Variants in CUX2 observed in about 807,000 individuals in gnomAD.
The protein encoded by CUX2 is homeobox protein cut-like 2.
CUX2 carries 40 observed loss-of-function variants against 144.8 expected under a neutral mutation model. That is an observed-to-expected ratio of 0.28 (90% CI 0.21 to 0.36). The LOEUF (loss-of-function observed/expected upper bound fraction) is 0.36. CUX2 is among the 10% of genes least tolerant of loss of function. The pLI, the probability that CUX2 is intolerant of heterozygous loss-of-function variation, is 1.00. For missense variants in CUX2, 1,615 were observed against 1,994.0 expected, an observed-to-expected ratio of 0.81 and a Z score of 3.62; for synonymous variants, 827 against 875.6, an observed-to-expected ratio of 0.94 and a Z score of 0.98.
rs1348818953 is a variant in CUX2 at position 111,312,666 on chromosome 12, C to G, written c.2002+465C>G. Among the ~76,000 whole-genome samples the G allele has an allele frequency of 6.6e-6, 1 of 151,976 alleles. No homozygotes were observed. The highest frequency in any genetic ancestry group is 1.5e-5 in the Non-Finnish European group (1 of 67,990). On this transcript the variant is annotated intron_variant, in intron 16 of 21. Coordinates refer to ENST00000261726, the MANE Select transcript of CUX2 (RefSeq NM_015267.4). This position sits in a 1 kb window ranked among gnomAD's most constrained non-coding sequence, Gnocchi z 4.3. Reference sequence around the variant, plus strand: ...AGTGAGCCGAGATCACACCACTGCACTCCAGCCTAGGTGACAAAGCAAGAC... The same window carrying G: ...AGTGAGCCGAGATCACACCACTGCAGTCCAGCCTAGGTGACAAAGCAAGAC...
chr12:111,155,936 T>A (rs867045274), intron 1 of CUX2, among the ~76,000 whole-genome samples: 18 of 145,376 alleles, frequency 1.2e-4, no homozygotes, highest in Admixed American at 5.4e-4. Context: ...AAAAAAAAAA[T>A]AAAAATAAAA....
Position 111,186,962 on chromosome 12 carries a change from A to G in CUX2, c.64-27238A>G, listed in dbSNP as rs1000074024. On this transcript the variant is annotated intron_variant, in intron 1 of 21. Coordinates refer to ENST00000261726, the MANE Select transcript of CUX2 (RefSeq NM_015267.4). The surrounding 1 kb of genome is among the most constrained non-coding windows in gnomAD (Gnocchi z 4.4). ...CCTGGCTAATTTTTGTATTTTTGGT[A>G]GAGATGGGGTTTTGCCATGTTGGCG... is the stretch of plus-strand genomic sequence containing the variant. Among the ~76,000 whole-genome samples the G allele has an allele frequency of 1.3e-5, 2 of 151,912 alleles. No homozygotes were observed. The highest frequency in any genetic ancestry group is 4.8e-5 in the African/African-American group (2 of 41,362).
Position 111,291,530 on chromosome 12 carries a change from C to A in CUX2, c.414C>A (p.Asn138Lys), listed in dbSNP as rs199677779. The change falls in exon 5 of 22, where the codon AAC (asparagine) becomes AAA (lysine). Residue 138 changes from asparagine (N) to lysine (K), a missense_variant. By Grantham distance (94) the Asn-to-Lys change is moderately conservative. Transcript: ENST00000261726. Reference sequence around the variant, plus strand: ...ACCTCCACACTTCGTGGAAGAGGAACCCCGAGCTCCTCAGCCCCAAAGGTA... The same window carrying A: ...ACCTCCACACTTCGTGGAAGAGGAAACCCGAGCTCCTCAGCCCCAAAGGTA... ...RRDLHTSWKR[N>K]PELLSPKEQR... 1 of 1,610,744 alleles carries A rather than the reference C, an allele frequency of 6.2e-7. No individual in the cohort carries two copies. Among genetic ancestry groups the A allele is most frequent in the Non-Finnish European group, 8.5e-7 (1 of 1,178,378 alleles).
intron 3 of CUX2, among the ~76,000 whole-genome samples, chr12:111,253,678 C>G (rs1239977839): frequency 6.6e-6 from 1 of 152,138 alleles, no homozygotes; most frequent in East Asian, 1.9e-4. Flanking sequence ...AGAACAGCCC[C>G]ATCCCTAGGA....
chr12:111,110,007 C>T (rs1020230026), intron 1 of CUX2, among the ~76,000 whole-genome samples: 1 of 151,826 alleles, frequency 6.6e-6, no homozygotes, highest in Non-Finnish European at 1.5e-5. Context: ...TCCAGAGTGG[C>T]TGGAACCACA....
intron 1 of CUX2, among the ~76,000 whole-genome samples, chr12:111,106,986 CATG>C (rs1240676772): frequency 6.6e-6 from 1 of 152,180 alleles, no homozygotes; most frequent in Non-Finnish European, 1.5e-5. Context: ...GCAAGGCCCA[CATG>C]GTGGCAAGAT....
chr12:111,131,140 A>G (rs1201251399), intron 1 of CUX2, among the ~76,000 whole-genome samples: 1 of 152,240 alleles, frequency 6.6e-6, no homozygotes, highest in African/African-American at 2.4e-5. Flanking sequence ...ACAGTTCCAC[A>G]TGGCTGCGGT....
intron 4 of CUX2, 70 bp from the exon 5 acceptor site, chr12:111,291,348 C>A (rs946156505): frequency 1.1e-5 from 17 of 1,507,120 alleles, no homozygotes; most frequent in Non-Finnish European, 1.4e-5. Flanking sequence ...CCTGCCAGGC[C>A]CTGCAGCCAC....
chr12:111,244,013 A>C (rs1301672153), intron 3 of CUX2, among the ~76,000 whole-genome samples: 2 of 152,206 alleles, frequency 1.3e-5, no homozygotes, highest in Admixed American at 6.5e-5. Flanking sequence ...TCTCAAGCTA[A>C]GCCAATGATA....
intron 1 of CUX2, among the ~76,000 whole-genome samples, chr12:111,116,806 C>G (rs1874332115): frequency 6.6e-6 from 1 of 152,200 alleles, no homozygotes; most frequent in African/African-American, 2.4e-5. Context: ...TTTATCACAA[C>G]CAGAGATCAT....
chr12:111,301,610 TG>T (rs1886298651), intron 9 of CUX2, among the ~76,000 whole-genome samples: 1 of 152,066 alleles, frequency 6.6e-6, no homozygotes, highest in Non-Finnish European at 1.5e-5. Context: ...CTCAAACTCC[TG>T]GGCTCAAGGG....
chr12:111,311,270 C>T (rs1304297678), intron 15 of CUX2, among the ~76,000 whole-genome samples: 1 of 152,140 alleles, frequency 6.6e-6, no homozygotes, highest in African/African-American at 2.4e-5. Context: ...GTGGTGGTTG[C>T]CATAGTCATT....
chr12:111,125,841 G>A (rs1295213628), intron 1 of CUX2, among the ~76,000 whole-genome samples: 1 of 152,054 alleles, frequency 6.6e-6, no homozygotes, highest in African/African-American at 2.4e-5. Context: ...AGCACAGTGT[G>A]GTCAGATCTT....
chr12:111,048,526 G>A (rs546535231), intron 1 of CUX2, among the ~76,000 whole-genome samples: 12 of 152,258 alleles, frequency 7.9e-5, no homozygotes, highest in Non-Finnish European at 1.2e-4. Flanking sequence ...GGCTTTTAGC[G>A]GCAGGCATGC....
intron 1 of CUX2, among the ~76,000 whole-genome samples, chr12:111,069,124 T>G (rs1283410611): frequency 6.6e-6 from 1 of 152,044 alleles, no homozygotes; most frequent in East Asian, 1.9e-4. Context: ...AAAAAAGGAA[T>G]GTGGCCCTGG....
At chr12:111,185,534 G>A (rs995106709) in intron 1 of CUX2, among the ~76,000 whole-genome samples, 52 of 152,334 alleles carry the variant, frequency 3.4e-4, no homozygotes, top group African/African-American at 1.2e-3. Flanking sequence ...TGTTCTTATC[G>A]CCAGCTGCAG....
intron 1 of CUX2, chr12:111,100,024 G>A (rs181865201): frequency 2.8e-5 from 13 of 457,084 alleles, no homozygotes; most frequent in South Asian, 1.1e-4. Context: ...TTTATTTGCC[G>A]GTGGTGCTGC....
At chr12:111,151,147 G>A (rs1877027885) in intron 1 of CUX2, among the ~76,000 whole-genome samples, 1 of 152,112 alleles carries the variant, frequency 6.6e-6, no homozygotes, top group African/African-American at 2.4e-5. Context: ...TGAGAGCCGT[G>A]GTTTTAAATT....
intron 1 of CUX2, among the ~76,000 whole-genome samples, chr12:111,173,711 G>A (rs1421665316): frequency 2.0e-5 from 3 of 152,190 alleles, no homozygotes; most frequent in African/African-American, 7.2e-5. Context: ...GTAGGCCTGA[G>A]TTAGGCCATT....
Sources: gnomAD v4.1 joint callset for allele counts (sites outside exome capture counted in the v4.1 genomes callset) on GRCh38, gnomAD v4.1.1 for gene constraint, Gnocchi (gnomAD v3.1) non-coding constraint, MANE v1.5 for transcripts, NCBI Gene and HGNC (gene_info 2026-07-23, HGNC 2026-07-21) for gene names.